The following MTA1 variants were observed in gnomAD, a reference collection of about 807,000 sequenced individuals.
The protein encoded by MTA1 is metastasis-associated protein MTA1.
In MTA1, 15 loss-of-function variants were observed where a neutral mutation model predicts 97.0. That is an observed-to-expected ratio of 0.15 (90% confidence interval 0.10 to 0.24). The LOEUF (loss-of-function observed/expected upper bound fraction) is 0.24. MTA1 is among the 10% of genes least tolerant of loss of function. The pLI is 1.00. For synonymous variants in MTA1, 435 were observed against 417.5 expected, an observed-to-expected ratio of 1.04 and a Z score of -0.51; for missense variants, 709 against 1,015.1, an observed-to-expected ratio of 0.70 and a Z score of 4.10.
intron 2 of MTA1, among the ~76,000 whole-genome samples, chr14:105,442,292 G>A (rs2082561154): frequency 1.3e-5 from 2 of 152,240 alleles, no homozygotes; most frequent in Non-Finnish European, 2.9e-5. Context: ...GAAGGCAGAT[G>A]AGTGAGGTTT....
At chr14:105,436,658 C>T (rs930112194) in intron 1 of MTA1, among the ~76,000 whole-genome samples, 8 of 152,128 alleles carry the variant, frequency 5.3e-5, no homozygotes, top group Admixed American at 1.3e-4. Context: ...TGGCCCCTGC[C>T]GAGGAGTCTT....
rs2081949665 is a variant in MTA1, at chr14:105,424,468, T to C, written c.28+4405T>C. 6.6e-6 allele frequency among the ~76,000 whole-genome samples: 1 copy of C among 151,658 alleles called. No individual in the cohort carries two copies. Among genetic ancestry groups the C allele is most frequent in the Non-Finnish European group, 1.5e-5 (1 of 67,962 alleles). On this transcript the variant is annotated intron_variant, in intron 1 of 20. Coordinates refer to ENST00000331320, the MANE Select transcript of MTA1 (RefSeq NM_004689.4). This position sits in a 1 kb window ranked among gnomAD's most constrained non-coding sequence, Gnocchi z 4.0. ...CACCCGCCTCAGCCTCTCAAAGTAT[T>C]GGGATTACAGGCGTGAGCCACTGCG...
rs1555432923 is a variant in MTA1 at position 105,466,590 on chromosome 14, CCCCGCCCGGTGAGTGTGGCCCT to C, written c.1777+16_1777+37del. The C allele has an allele frequency of 6.4e-7, 1 of 1,567,424 alleles. No individual in the cohort carries two copies. The highest frequency in any genetic ancestry group is 1.4e-5 in the African/African-American group (1 of 73,714). On this transcript the variant is annotated intron_variant, in intron 17 of 20. Transcript: ENST00000331320. Reference sequence around the variant, plus strand: ...CAACGGGGTGGACGGTGAGTGGCCCCCCCGCCCGGTGAGTGTGGCCCTCCCCGCCCGGTGAGTCCGGCCCGTC... The same window carrying C: ...CAACGGGGTGGACGGTGAGTGGCCCCCCCCGCCCGGTGAGTCCGGCCCGTC...
At chr14:105,467,518 G>A (rs1555433210) in intron 18 of MTA1, 3 of 455,662 alleles carry the variant, frequency 6.6e-6, no homozygotes, top group South Asian at 1.5e-5. Context: ...GTCCTGTGGG[G>A]TCAGCACGCC....
Position 105,469,503 on chromosome 14 carries a change from G to A in MTA1, c.1845+5G>A, listed in dbSNP as rs1555433795. The A allele has an allele frequency of 6.2e-7, 1 of 1,612,708 alleles. No individual in the cohort carries two copies. Among genetic ancestry groups the A allele is most frequent in the Non-Finnish European group, 8.5e-7 (1 of 1,179,708 alleles). The stretch of plus-strand genomic sequence containing the variant: ...CACGGACAGGCCAGGCACATGGTAA[G>A]AGGAACAACCCATGATGGGGTACGG... On this transcript the variant is annotated splice_donor_5th_base_variant and intron_variant, in intron 19 of 20. Coordinates refer to ENST00000331320, the MANE Select transcript of MTA1 (RefSeq NM_004689.4).
At chr14:105,452,941 G>A (rs191600063) in intron 6 of MTA1, among the ~76,000 whole-genome samples, 16 of 152,344 alleles carry the variant, frequency 1.1e-4, no homozygotes, top group African/African-American at 1.7e-4. Flanking sequence ...ACCTGGAAAC[G>A]GGAGGGTGAT....
In MTA1 at chr14:105,454,319, G is replaced by C; in HGVS notation, c.550+9G>C. 6.3e-7 allele frequency: 1 copy of C among 1,595,364 alleles called. No homozygotes were observed. Among genetic ancestry groups the C allele is most frequent in the Non-Finnish European group, 8.6e-7 (1 of 1,163,682 alleles). The stretch of plus-strand genomic sequence containing the variant: ...CGACTTGTTAAAAGAAGGTAGGGTG[G>C]GCCGCCCTGGGCATGGAGCCCTCTG... On this transcript the variant is annotated intron_variant, in intron 7 of 20. Transcript: ENST00000331320.
At chr14:105,468,828 C>T (rs1200050837) in intron 18 of MTA1, 4 of 274,182 alleles carry the variant, frequency 1.5e-5, no homozygotes, top group South Asian at 6.8e-5. Context: ...AGGGCAGCGG[C>T]GGTCCTGGGC....
chr14:105,452,149 G>A (rs1555428896), intron 6 of MTA1, among the ~76,000 whole-genome samples: 1 of 152,212 alleles, frequency 6.6e-6, no homozygotes, highest in Admixed American at 6.5e-5. Context: ...GGAATTTAAT[G>A]TAACAGGCTC....
intron 1 of MTA1, among the ~76,000 whole-genome samples, chr14:105,433,542 C>T (rs1204556140): frequency 1.3e-5 from 2 of 152,132 alleles, no homozygotes; most frequent in Admixed American, 6.5e-5. Context: ...AGGAAGAATG[C>T]GGGCAATCCA....
Position 105,450,204 on chromosome 14 carries a change from G to A in MTA1, c.368+20G>A, listed in dbSNP as rs200159490. On this transcript the variant is annotated intron_variant, in intron 5 of 20. Coordinates refer to ENST00000331320, the MANE Select transcript of MTA1 (RefSeq NM_004689.4). Reference sequence around the variant, plus strand: ...CATCAGGTAGCCCCCAGCAGCTCCCGCCCTGGGCCCCTCGGGCTGCCCTCG... The same window carrying A: ...CATCAGGTAGCCCCCAGCAGCTCCCACCCTGGGCCCCTCGGGCTGCCCTCG... The A allele has an allele frequency of 1.2e-4, 193 of 1,611,746 alleles. 1 individual carries two copies. Among genetic ancestry groups the A allele is most frequent in the Admixed American group, 4.0e-4 (24 of 59,978 alleles).
At chr14:105,429,608 T>C (rs1226134451) in intron 1 of MTA1, among the ~76,000 whole-genome samples, 5 of 151,840 alleles carry the variant, frequency 3.3e-5, no homozygotes, top group African/African-American at 4.8e-5. Context: ...CCCGCCACTA[T>C]GCCCGGCTAA....
At position 105,470,123 on chromosome 14, in the gene MTA1, A is replaced by G; in HGVS notation, c.2056A>G (p.Lys686Glu). 1 of 1,612,342 alleles carries G rather than the reference A, an allele frequency of 6.2e-7. No individual in the cohort carries two copies. The highest frequency in any genetic ancestry group is 8.5e-7 in the Non-Finnish European group (1 of 1,179,766). ...CAAGCGTGCTGCCCGCCGGCCCTAC[A>G]AGCCCATCGCCCTGCGCCAGAGCCA... is the stretch of plus-strand genomic sequence containing the variant. ...ETKRAARRPYKPIALRQSQAL... is the reference protein window; with the variant it reads ...ETKRAARRPYEPIALRQSQAL... Residue 686 changes from lysine to glutamate, a missense_variant, in exon 21 of 21, where the codon AAG (lysine) becomes GAG (glutamate). By Grantham distance (56) the Lys-to-Glu change is moderately conservative. Transcript: ENST00000331320.
Position 105,420,474 on chromosome 14 carries a change from C to T in MTA1, c.28+411C>T, listed in dbSNP as rs2081793295. Among the ~76,000 whole-genome samples the T allele has an allele frequency of 6.6e-6, 1 of 152,152 alleles. No homozygotes were observed. The highest frequency in any genetic ancestry group is 2.4e-5 in the African/African-American group (1 of 41,448). ...TGTGGGGTCTCCCCCGGCCCGCGGCCCTGTGCTGGGACTCCGGTGCATCCC... is the reference window on the plus strand; with the variant it reads ...TGTGGGGTCTCCCCCGGCCCGCGGCTCTGTGCTGGGACTCCGGTGCATCCC... On this transcript the variant is annotated intron_variant, in intron 1 of 20. Transcript: ENST00000331320. This position sits in a 1 kb window ranked among gnomAD's most constrained non-coding sequence, Gnocchi z 5.3.
intron 19 of MTA1, 86 bp downstream of exon 19, chr14:105,469,584 A>G (rs1349493488): frequency 3.3e-6 from 5 of 1,496,754 alleles, no homozygotes; most frequent in Non-Finnish European, 4.6e-6. Flanking sequence ...CAGCCCTGCC[A>G]GGTGCCACGT....
At chr14:105,466,827 G>A (rs990160153) in intron 18 of MTA1, 85 bp downstream of exon 18, 13 of 1,399,734 alleles carry the variant, frequency 9.3e-6, no homozygotes, top group African/African-American at 1.5e-5. Context: ...CGCGGCGGGC[G>A]GCCCAGGGCC....
chr14:105,440,065 G>T (rs587602888), intron 2 of MTA1, among the ~76,000 whole-genome samples: 1 of 152,316 alleles, frequency 6.6e-6, no homozygotes, highest in East Asian at 1.9e-4. Flanking sequence ...CTGCTCCCCC[G>T]CAGCTTCCTG....
rs782173494 is a variant in MTA1, at chr14:105,463,443, C to T, written c.1018-50C>T. On this transcript the variant is annotated intron_variant, in intron 11 of 20. Coordinates refer to ENST00000331320, the MANE Select transcript of MTA1 (RefSeq NM_004689.4). The surrounding 1 kb of genome is among the most constrained non-coding windows in gnomAD (Gnocchi z 5.9). Reference sequence around the variant, plus strand: ...GCCTCCAGCCTGTCTGCACTGCAGCCCCAACCTGGGCCTAGCCTGCTGACC... The same window carrying T: ...GCCTCCAGCCTGTCTGCACTGCAGCTCCAACCTGGGCCTAGCCTGCTGACC... 1 of 1,603,482 alleles carries T rather than the reference C, an allele frequency of 6.2e-7. No homozygotes were observed. The highest frequency in any genetic ancestry group is 1.1e-5 in the South Asian group (1 of 90,818).
At chr14:105,429,314 CTT>C (rs2082103570) in intron 1 of MTA1, among the ~76,000 whole-genome samples, 1 of 152,228 alleles carries the variant, frequency 6.6e-6, no homozygotes, top group African/African-American at 2.4e-5. Context: ...GAGATGAAGT[CTT>C]GCTCTGTCGC....
Sources: gnomAD v4.1 joint callset for allele counts (sites outside exome capture counted in the v4.1 genomes callset) on GRCh38, gnomAD v4.1.1 for gene constraint, Gnocchi (gnomAD v3.1) non-coding constraint, MANE v1.5 for transcripts, NCBI Gene and HGNC (gene_info 2026-07-23, HGNC 2026-07-21) for gene names.